PCDHGA9: variants seen among roughly 807,000 people sequenced by gnomAD.
The protein encoded by PCDHGA9 is protocadherin gamma-A9.
A neutral mutation model predicts 62.5 loss-of-function variants in PCDHGA9; 37 were observed. The observed-to-expected ratio is 0.59, with a 90% CI of 0.46 to 0.78. The LOEUF (loss-of-function observed/expected upper bound fraction) is 0.78. Among genes scored for constraint, PCDHGA9 ranks in the 30% least tolerant of loss-of-function variants. The pLI is 0.00. For missense variants in PCDHGA9, 1,138 were observed against 1,166.2 expected (o/e 0.98, Z 0.35); for synonymous variants, 459 against 484.6 (o/e 0.95, Z 0.69).
intron 1 of PCDHGA9, among the ~76,000 whole-genome samples, chr5:141,471,046 CT>C (rs1170588345): frequency 0.24 from 27,253 of 113,216 alleles, 2,739 homozygotes; most frequent in African/African-American, 0.39. Context: ...CCCAAGCCCT[CT>C]TTTTTTTTTT....
At chr5:141,406,177 A>G (rs929841923) in intron 1 of PCDHGA9, among the ~76,000 whole-genome samples, 2 of 151,308 alleles carry the variant, frequency 1.3e-5, no homozygotes. Flanking sequence ...GGCTTATGCA[A>G]TCCTCCCACC....
Position 141,489,830 on chromosome 5 carries a change from A to C in PCDHGA9, c.2425-4977A>C. On this transcript the variant is annotated intron_variant, in intron 1 of 3. Transcript: ENST00000573521. The surrounding 1 kb of genome is among the most constrained non-coding windows in gnomAD (Gnocchi z 4.5). ...AAGCCATTCCCAGAGCTGGTGCTAG[A>C]GCAGCAGCTGGATCGTGAAGCCCAG... 1 of 1,614,200 alleles carries C rather than the reference A, an allele frequency of 6.2e-7. No homozygotes were observed. Among genetic ancestry groups the C allele is most frequent in the Non-Finnish European group, 8.5e-7 (1 of 1,180,010 alleles).
intron 2 of PCDHGA9, among the ~76,000 whole-genome samples, chr5:141,498,411 C>T (rs747823234): frequency 2.0e-5 from 3 of 152,158 alleles, no homozygotes; most frequent in Non-Finnish European, 4.4e-5. Context: ...TTTCTCTTTG[C>T]TGGCACTGGA....
rs1407016089 is a variant in PCDHGA9 at position 141,489,914 on chromosome 5, C to T, written c.2425-4893C>T. On this transcript the variant is annotated intron_variant, in intron 1 of 3. Coordinates refer to ENST00000573521, the MANE Select transcript of PCDHGA9 (RefSeq NM_018921.3). The surrounding 1 kb of genome is among the most constrained non-coding windows in gnomAD (Gnocchi z 4.5). Reference sequence around the variant, plus strand: ...GGGGGGACCCCAGCCCGCTCAGGGACCACCCTTATCTCTGTCATCGTGCTG... The same window carrying T: ...GGGGGGACCCCAGCCCGCTCAGGGATCACCCTTATCTCTGTCATCGTGCTG... 3 of 1,614,094 alleles carry T rather than the reference C, an allele frequency of 1.9e-6. No individual in the cohort carries two copies. Among genetic ancestry groups the T allele is most frequent in the African/African-American group, 2.7e-5 (2 of 74,936 alleles).
Position 141,477,626 on chromosome 5 carries a change from G to C in PCDHGA9, c.2425-17181G>C. The C allele has an allele frequency of 1.2e-6, 2 of 1,614,170 alleles. No homozygotes were observed. Among genetic ancestry groups the C allele is most frequent in the Non-Finnish European group, 1.7e-6 (2 of 1,180,036 alleles). ...TCTCTTGGAGCAAGGAGCTGAAACCGGGCTAGTGGGTCGCTATTTCACAAT... is the reference window on the plus strand; with the variant it reads ...TCTCTTGGAGCAAGGAGCTGAAACCCGGCTAGTGGGTCGCTATTTCACAAT... On this transcript the variant is annotated intron_variant, in intron 1 of 3. Transcript: ENST00000573521. The surrounding 1 kb of genome is among the most constrained non-coding windows in gnomAD (Gnocchi z 4.9).
intron 1 of PCDHGA9, chr5:141,422,903 A>G (rs1444530801): frequency 1.9e-6 from 3 of 1,614,036 alleles, no homozygotes; most frequent in African/African-American, 2.7e-5. Context: ...CAGAACGACA[A>G]TGCGCCCGAG....
At chr5:141,419,254 C>A in intron 1 of PCDHGA9, 1 of 1,614,020 alleles carries the variant, frequency 6.2e-7, no homozygotes, top group Non-Finnish European at 8.5e-7. Context: ...CAGAAAACAA[C>A]CAGCCGGGTG....
chr5:141,444,545 CA>C (rs1264288836), intron 1 of PCDHGA9, among the ~76,000 whole-genome samples: 7 of 152,042 alleles, frequency 4.6e-5, no homozygotes, highest in Admixed American at 6.6e-5. Flanking sequence ...GTCTAGTGAG[CA>C]AAAGGCACTT....
rs1158395811 is a variant in PCDHGA9, at chr5:141,476,020, T to TCGGCGCC, written c.2425-18785_2425-18779dup. The stretch of plus-strand genomic sequence containing the variant: ...CGGCATCCAGAAAGCCATGTCGGAC[T>TCGGCGCC]CGGCGCCCAGCGCCCAAGCGCTAAC... On this transcript the variant is annotated intron_variant, in intron 1 of 3. Transcript: ENST00000573521. The surrounding 1 kb of genome is among the most constrained non-coding windows in gnomAD (Gnocchi z 7.6). 2.1e-6 allele frequency: 3 copies of TCGGCGCC among 1,398,716 alleles called. No homozygotes were observed. The African/African-American group carries it at 4.3e-5, about 20-fold the overall frequency. The allele number at this position is 1,398,716 out of a possible 1,614,324, so 86.6% of individuals were successfully genotyped here. A position where few individuals can be genotyped will look rare whatever the true frequency, so the allele number is the denominator to read the frequency against.
chr5:141,414,420 C>G, intron 1 of PCDHGA9: 1 of 1,613,822 alleles, frequency 6.2e-7, no homozygotes, highest in Non-Finnish European at 8.5e-7. Flanking sequence ...GAGCCCTTGA[C>G]AGGGAACAGG....
Position 141,477,383 on chromosome 5 carries a change from T to A in PCDHGA9, c.2425-17424T>A. 6.2e-7 allele frequency: 1 copy of A among 1,614,102 alleles called. No homozygotes were observed. Among genetic ancestry groups the A allele is most frequent in the Non-Finnish European group, 8.5e-7 (1 of 1,180,006 alleles). On this transcript the variant is annotated intron_variant, in intron 1 of 3. Transcript: ENST00000573521. This position sits in a 1 kb window ranked among gnomAD's most constrained non-coding sequence, Gnocchi z 4.9. Reference sequence around the variant, plus strand: ...CCTGGATCGGGAGACTGTGCCAGAATACAACCTCAGCATCACCGCCCGAGA... The same window carrying A: ...CCTGGATCGGGAGACTGTGCCAGAAAACAACCTCAGCATCACCGCCCGAGA...
intron 1 of PCDHGA9, chr5:141,415,308 C>T: frequency 6.2e-7 from 1 of 1,614,236 alleles, no homozygotes; most frequent in Non-Finnish European, 8.5e-7. Flanking sequence ...TCCTGGCCTT[C>T]GTCATCGTGC....
intron 1 of PCDHGA9, chr5:141,414,697 T>C (rs748722995): frequency 6.2e-7 from 1 of 1,614,036 alleles, no homozygotes; most frequent in Non-Finnish European, 8.5e-7. Flanking sequence ...TCTGTCCTCA[T>C]ACATATCCAT....
intron 1 of PCDHGA9, chr5:141,478,091 A>G: frequency 6.2e-7 from 1 of 1,613,972 alleles, no homozygotes; most frequent in African/African-American, 1.3e-5. Flanking sequence ...GCTCTCCACC[A>G]CTGCTACCCT....
At chr5:141,427,824 G>A (rs1298494092) in intron 1 of PCDHGA9, 5 of 1,535,458 alleles carry the variant, frequency 3.3e-6, no homozygotes, top group African/African-American at 1.4e-5. Flanking sequence ...GGTGGTGGTC[G>A]CGCAGCGTGC....
rs1281537625 is a variant in PCDHGA9 at position 141,403,559 on chromosome 5, G to C, written c.607G>C (p.Glu203Gln). ...GGTGCTGGAGCGCGCCCTGGACAGG[G>C]AGGAGGCAACTGCCCACCACCTGGT... ...ELVLERALDR[E>Q]EATAHHLVLT... Residue 203 changes from glutamate (E) to glutamine (Q), a missense_variant, in exon 1 of 4, where the codon GAG becomes CAG. Glu to Gln is a conservative substitution (Grantham distance 29). Transcript: ENST00000573521. 6.2e-7 allele frequency: 1 copy of C among 1,613,974 alleles called. No homozygotes were observed.
intron 1 of PCDHGA9, among the ~76,000 whole-genome samples, chr5:141,454,250 C>T (rs1453631901): frequency 6.6e-6 from 1 of 151,974 alleles, no homozygotes; most frequent in African/African-American, 2.4e-5. Context: ...TGAAGATGTC[C>T]CAGAGAAAGT....
chr5:141,425,015 A>G (rs1285592254), intron 1 of PCDHGA9, among the ~76,000 whole-genome samples: 2 of 152,190 alleles, frequency 1.3e-5, no homozygotes, highest in East Asian at 3.8e-4. Context: ...TCATTTAGGA[A>G]TTTACCTTAT....
rs767291767 is a variant in PCDHGA9, at chr5:141,487,668, T to C, written c.2425-7139T>C. ...CTTGAGGGTTATTCTGATCCAGGCA[T>C]ATGGCTAGGCCATGTCCTAGAGAGT... is the stretch of plus-strand genomic sequence containing the variant. On this transcript the variant is annotated intron_variant, in intron 1 of 3. Transcript: ENST00000573521. The surrounding 1 kb of genome is among the most constrained non-coding windows in gnomAD (Gnocchi z 5.0). 1.9e-6 allele frequency: 3 copies of C among 1,612,658 alleles called. No homozygotes were observed. Among genetic ancestry groups the C allele is most frequent in the South Asian group, 1.1e-5 (1 of 90,650 alleles).
Sources: gnomAD v4.1 joint callset for allele counts (sites outside exome capture counted in the v4.1 genomes callset) on GRCh38, gnomAD v4.1.1 for gene constraint, Gnocchi (gnomAD v3.1) non-coding constraint, MANE v1.5 for transcripts, NCBI Gene and HGNC (gene_info 2026-07-23, HGNC 2026-07-21) for gene names.